IFT22: variants seen among roughly 807,000 people sequenced by gnomAD.
IFT22 encodes the protein intraflagellar transport 22.
A neutral mutation model predicts 21.0 loss-of-function variants in IFT22; 13 were observed. The observed-to-expected ratio is 0.62, with a 90% CI of 0.40 to 0.98. The LOEUF (loss-of-function observed/expected upper bound fraction) is 0.98, where lower values mean the gene tolerates loss of function less well. IFT22 is among the 50% of genes least tolerant of loss of function. IFT22 has a pLI of 0.00. For missense variants in IFT22, 227 were observed against 228.9 expected (o/e 0.99, Z 0.06); for synonymous variants, 67 against 82.4 (o/e 0.81, Z 1.01).
Position 101,315,033 on chromosome 7 carries a change from C to T in IFT22, c.*101G>A. ...CAGGTAGGAACACTTCCTCTGCAGT[C>T]AGAGGGAGAAGAAAACATCAGGAGC... On this transcript the variant is annotated 3_prime_UTR_variant, in exon 5 of 5. Coordinates refer to ENST00000315322, the MANE Select transcript of IFT22 (RefSeq NM_022777.4). 3.0e-6 allele frequency: 4 copies of T among 1,335,844 alleles called. No individual in the cohort carries two copies. The highest frequency in any genetic ancestry group is 3.1e-6 in the Non-Finnish European group (3 of 974,654). The allele number at this position is 1,335,844 out of a possible 1,614,324, so 82.7% of individuals were successfully genotyped here.
rs934461106 is a variant in IFT22 at position 101,310,989 on chromosome 7, A to ATT, written c.*4143_*4144dup. 0.012 allele frequency: 2,824 copies of ATT among 238,416 alleles called. 10 individuals carry two copies. Among genetic ancestry groups the ATT allele is most frequent in the South Asian group, 0.018 (471 of 25,932 alleles). The allele number at this position is 238,416 out of a possible 1,614,324, so 14.8% of individuals were successfully genotyped here. A position where few individuals can be genotyped will look rare whatever the true frequency, so the allele number is the denominator to read the frequency against. ...CAGGTGAACAAAATCTGCTGGGTTA[A>ATT]TTTTTTTTTTTTTTTTTTTTTTGAG... is the stretch of plus-strand genomic sequence containing the variant. On this transcript the variant is annotated 3_prime_UTR_variant, in exon 5 of 5. Transcript: ENST00000315322.
chr7:101,316,944 A>T (rs542355370), intron 3 of IFT22, among the ~76,000 whole-genome samples: 80 of 151,984 alleles, frequency 5.3e-4, no homozygotes, highest in African/African-American at 1.4e-3. Context: ...AAAAAATTTT[A>T]AAAAAAGTTG....
intron 4 of IFT22, 93 bp from the exon 5 acceptor site, chr7:101,315,375 C>G: frequency 1.5e-6 from 2 of 1,361,332 alleles, no homozygotes; most frequent in Non-Finnish European, 2.1e-6. Context: ...ATTTAACTTT[C>G]TGAAGTTCAC....
Position 101,312,530 on chromosome 7 carries a change from G to GTTTTTT in IFT22, c.*2603_*2604insAAAAAA, listed in dbSNP as rs776119398. ...AAATAAATATAATGTTTTGGAGAGAGTTGTTTTTTTTTTTTTTTTTTTTGT... is the reference window on the plus strand; with the variant it reads ...AAATAAATATAATGTTTTGGAGAGAGTTTTTTTTGTTTTTTTTTTTTTTTTTTTTGT... On this transcript the variant is annotated 3_prime_UTR_variant, in exon 5 of 5. Transcript: ENST00000315322. 5.1e-4 allele frequency among the ~76,000 whole-genome samples: 65 copies of GTTTTTT among 126,582 alleles called. 2 individuals are homozygous for GTTTTTT. The highest frequency in any genetic ancestry group is 7.7e-4 in the African/African-American group (25 of 32,496). The allele number at this position is 126,582 out of a possible 152,430, so 83.0% of individuals were successfully genotyped here. A position where few individuals can be genotyped will look rare whatever the true frequency, so the allele number is the denominator to read the frequency against.
intron 2 of IFT22, 43 bp downstream of exon 2, chr7:101,318,913 G>C (rs768461372): frequency 1.3e-6 from 2 of 1,505,680 alleles, no homozygotes; most frequent in Non-Finnish European, 1.8e-6. Context: ...CCTCCCTGCC[G>C]AGCCAGTTGG....
chr7:101,316,690 C>T (rs1044771549), intron 3 of IFT22, 148 bp from the exon 4 acceptor site: 8 of 677,248 alleles, frequency 1.2e-5, no homozygotes, highest in African/African-American at 5.4e-5. Flanking sequence ...TTTGGGAGGC[C>T]GAGGCGGGCG....
intron 4 of IFT22, 128 bp downstream of exon 4, chr7:101,316,212 A>G: frequency 3.5e-6 from 3 of 852,764 alleles, no homozygotes; most frequent in Non-Finnish European, 5.8e-6. Flanking sequence ...TGGAGAGGGT[A>G]ACAATTGCCT....
intron 1 of IFT22, among the ~76,000 whole-genome samples, chr7:101,321,052 A>G (rs1790329546): frequency 6.6e-6 from 1 of 152,226 alleles, no homozygotes; most frequent in South Asian, 2.1e-4. Flanking sequence ...CTGAGGCAGG[A>G]GAATCGCTTG....
rs1170469482 is a variant in IFT22, at chr7:101,321,695, C to T, written c.15G>A (p.Lys5=). The change falls in exon 1 of 5, where the codon AAG becomes AAA. Residue 5 remains lysine, a synonymous_variant. Transcript: ENST00000315322. ...CCTCGCAAGGCCCCACGAAGAGGAT[C>T]TTGGCTTTCAGCATAGTTGTCCGCC... MLKA[K]ILFVGPCESG... 2 of 1,603,482 alleles carry T rather than the reference C, an allele frequency of 1.2e-6. No homozygotes were observed. The highest frequency in any genetic ancestry group is 2.7e-5 in the African/African-American group (2 of 74,792).
chr7:101,315,189 A>T lies in IFT22; in HGVS notation c.503T>A (p.Ile168Lys). The change falls in exon 5 of 5, where the codon ATA becomes AAA. Residue 168 changes from isoleucine to lysine, a missense_variant. Transcript: ENST00000315322. ...RMEFIKYLKS[I>K]INSMSESRDR... The stretch of plus-strand genomic sequence containing the variant: ...TCTGCTCTCAGACATGGAGTTGATT[A>T]TGCTTTTTAAATACTTTATGAATTC... 1 of 1,614,010 alleles carries T rather than the reference A, an allele frequency of 6.2e-7. No homozygotes were observed.
chr7:101,318,131 C>T lies in IFT22; in HGVS notation c.199G>A (p.Asp67Asn), dbSNP rs375452848. 3.5e-5 allele frequency: 57 copies of T among 1,612,468 alleles called. No homozygotes were observed. Among genetic ancestry groups the T allele is most frequent in the Admixed American group, 6.7e-5 (4 of 59,946 alleles). ...CEFELWDCGGDAKFESCWPAL... is the reference protein window; with the variant it reads ...CEFELWDCGGNAKFESCWPAL... ...TCTTTAAAGGAAACATACTTAGCATCGCCACCACAGTCCCATAGCTCGAAT... is the reference window on the plus strand; with the variant it reads ...TCTTTAAAGGAAACATACTTAGCATTGCCACCACAGTCCCATAGCTCGAAT... The change falls in exon 3 of 5, where the codon GAT (aspartate) becomes AAT (asparagine). Residue 67 changes from aspartate to asparagine, a missense_variant. By Grantham distance (23) the Asp-to-Asn change is conservative. Transcript: ENST00000315322.
chr7:101,321,659 GC>G lies in IFT22; in HGVS notation c.39+11del. 1 of 1,596,952 alleles carries G rather than the reference GC, an allele frequency of 6.3e-7. No homozygotes were observed. The highest frequency in any genetic ancestry group is 8.5e-7 in the Non-Finnish European group (1 of 1,171,978). ...CTCCCCGCTCCCTCTGCCGCGCCGG[GC>G]CAGGACTTACCTCGCAAGGCCCCAC... is the stretch of plus-strand genomic sequence containing the variant. On this transcript the variant is annotated intron_variant, in intron 1 of 4. Coordinates refer to ENST00000315322, the MANE Select transcript of IFT22 (RefSeq NM_022777.4).
At chr7:101,317,659 G>A (rs985356075) in intron 3 of IFT22, among the ~76,000 whole-genome samples, 2 of 152,054 alleles carry the variant, frequency 1.3e-5, no homozygotes, top group Non-Finnish European at 1.5e-5. Context: ...CTCCTCATAC[G>A]TGCCAGGAAA....
chr7:101,318,049 T>A, intron 3 of IFT22, 75 bp downstream of exon 3: 1 of 1,302,844 alleles, frequency 7.7e-7, no homozygotes. Flanking sequence ...ATTACAGGTG[T>A]GAGCCACCGC....
chr7:101,312,409 GAC>G lies in IFT22; in HGVS notation c.*2723_*2724del, dbSNP rs1187035429. Among the ~76,000 whole-genome samples, 1 of 151,894 alleles carries G rather than the reference GAC, an allele frequency of 6.6e-6. No homozygotes were observed. Among genetic ancestry groups the G allele is most frequent in the Non-Finnish European group, 1.5e-5 (1 of 68,016 alleles). On this transcript the variant is annotated 3_prime_UTR_variant, in exon 5 of 5. Coordinates refer to ENST00000315322, the MANE Select transcript of IFT22 (RefSeq NM_022777.4). The stretch of plus-strand genomic sequence containing the variant: ...CATGCCACTGCACTCCAGCCGGGAT[GAC>G]AGAGTGACACCGTGTCTCAAAAAAA...
At position 101,316,524 on chromosome 7, in the gene IFT22, C is replaced by A. The variant is rs1308669326; in HGVS notation, c.225G>T (p.Pro75=). ...GGDAKFESCW[P]ALMKDAHGVV... is the part of the protein sequence containing the mutation. ...CTCCATGAGCATCCTTCATCAGGGCCGGCCAGCAGGACTCAAACCTGCGAG... is the reference window on the plus strand; with the variant it reads ...CTCCATGAGCATCCTTCATCAGGGCAGGCCAGCAGGACTCAAACCTGCGAG... Residue 75 remains proline, a synonymous_variant, in exon 4 of 5, where the codon CCG becomes CCT. Transcript: ENST00000315322. 1 of 1,613,950 alleles carries A rather than the reference C, an allele frequency of 6.2e-7. No individual in the cohort carries two copies. Among genetic ancestry groups the A allele is most frequent in the Non-Finnish European group, 8.5e-7 (1 of 1,180,036 alleles).
chr7:101,318,094 A>G, intron 3 of IFT22, 30 bp downstream of exon 3: 1 of 1,589,798 alleles, frequency 6.3e-7, no homozygotes, highest in Non-Finnish European at 8.6e-7. Context: ...AAACCATTTG[A>G]TGAAGTGACT....
At position 101,311,654 on chromosome 7, in the gene IFT22, TCTA is replaced by T. The variant is rs2116907156; in HGVS notation, c.*3477_*3479del. Among the ~76,000 whole-genome samples the T allele has an allele frequency of 6.6e-6, 1 of 152,330 alleles. No individual in the cohort carries two copies. Among genetic ancestry groups the T allele is most frequent in the African/African-American group, 2.4e-5 (1 of 41,570 alleles). On this transcript the variant is annotated 3_prime_UTR_variant, in exon 5 of 5. Coordinates refer to ENST00000315322, the MANE Select transcript of IFT22 (RefSeq NM_022777.4). ...GAAAAGAGCTACATCTACCATTTCA[TCTA>T]CTTAGTGTATTTTCTTATTGGCTAT...
Position 101,315,026 on chromosome 7 carries a change from C to T in IFT22, c.*108G>A. On this transcript the variant is annotated 3_prime_UTR_variant, in exon 5 of 5. Coordinates refer to ENST00000315322, the MANE Select transcript of IFT22 (RefSeq NM_022777.4). The stretch of plus-strand genomic sequence containing the variant: ...CTTCCTGCAGGTAGGAACACTTCCT[C>T]TGCAGTCAGAGGGAGAAGAAAACAT... 7.9e-7 allele frequency: 1 copy of T among 1,263,434 alleles called. No individual in the cohort carries two copies. The highest frequency in any genetic ancestry group is 2.2e-5 in the Admixed American group (1 of 44,682). The allele number at this position is 1,263,434 out of a possible 1,614,324, so 78.3% of individuals were successfully genotyped here.
Sources: gnomAD v4.1 joint callset for allele counts (sites outside exome capture counted in the v4.1 genomes callset) on GRCh38, gnomAD v4.1.1 for gene constraint, MANE v1.5 for transcripts, NCBI Gene and HGNC (gene_info 2026-07-23, HGNC 2026-07-21) for gene names.